FAM169A: variants seen among roughly 807,000 people sequenced by gnomAD.
The protein encoded by FAM169A is family with sequence similarity 169 member A.
FAM169A carries 24 observed loss-of-function variants against 75.7 expected under a neutral mutation model. That is an observed-to-expected ratio of 0.32 (90% CI 0.23 to 0.45). The LOEUF is 0.45. Ranked by LOEUF, FAM169A falls within the 20% of genes least tolerant of loss-of-function variation. FAM169A has a pLI of 1.00. For missense variants in FAM169A, 673 were observed against 784.0 expected, an observed-to-expected ratio of 0.86 and a Z score of 1.69; for synonymous variants, 271 against 271.0, an observed-to-expected ratio of 1.00 and a Z score of 0.00.
intron 10 of FAM169A, chr5:74,800,107 GACAA>G (rs1250832369): frequency 1.7e-6 from 1 of 599,462 alleles, no homozygotes; most frequent in Non-Finnish European, 3.1e-6. Flanking sequence ...CATCCAGCGT[GACAA>G]ACTATGGCTG....
intron 1 of FAM169A, among the ~76,000 whole-genome samples, chr5:74,859,693 T>C (rs925760698): frequency 2.0e-5 from 3 of 152,194 alleles, no homozygotes; most frequent in Middle Eastern, 3.2e-3. Flanking sequence ...CATCACGATT[T>C]TTTTTAAATA....
chr5:74,811,222 G>C (rs1047579997), intron 6 of FAM169A, among the ~76,000 whole-genome samples: 1 of 152,084 alleles, frequency 6.6e-6, no homozygotes, highest in Admixed American at 6.6e-5. Flanking sequence ...GGCCTCAAGT[G>C]ATCTGCCCTC....
chr5:74,793,176 C>T (rs551042758), intron 11 of FAM169A, among the ~76,000 whole-genome samples: 2 of 151,990 alleles, frequency 1.3e-5, no homozygotes, highest in South Asian at 4.2e-4. Context: ...AATACAAAAA[C>T]TAACTGGGTG....
In FAM169A at chr5:74,842,420, C is replaced by CAAAA. The variant is rs56653446; in HGVS notation, c.-3-745_-3-742dup. Among the ~76,000 whole-genome samples the CAAAA allele has an allele frequency of 5.3e-4, 12 of 22,476 alleles. 3 individuals carry two copies. The East Asian group carries it at 8.3e-3, about 16-fold the overall frequency. 14.7% of individuals were successfully genotyped at this position (22,476 alleles called of 152,430 possible). A position where few individuals can be genotyped will look rare whatever the true frequency, so the allele number is the denominator to read the frequency against. ...TGGGTGAAAGAGTGAGACTCTATCA[C>CAAAA]AAAAAAAAAAAAAAAAAAAAAAAAA... On this transcript the variant is annotated intron_variant, in intron 1 of 12. Transcript: ENST00000687041.
upstream of FAM169A, chr5:74,866,449 C>A: frequency 2.2e-6 from 2 of 889,112 alleles, no homozygotes; most frequent in East Asian, 1.2e-4. Context: ...CGAATCCCCC[C>A]GCCCGCCAGC....
chr5:74,849,391 G>A (rs16872332), intron 1 of FAM169A, among the ~76,000 whole-genome samples: 5 of 152,020 alleles, frequency 3.3e-5, no homozygotes, highest in African/African-American at 4.8e-5. Flanking sequence ...TGTTCAGCTC[G>A]TAAGTTATTT....
rs574084438 is a variant in FAM169A at position 74,861,853 on chromosome 5, T to A, written c.-4+4312A>T. On this transcript the variant is annotated intron_variant, in intron 1 of 12. Coordinates refer to ENST00000687041, the MANE Select transcript of FAM169A (RefSeq NM_001376049.1). ...TATTATCATTATGCACGTCAGCCAA[T>A]GAGCTTTATATACTACTTCTAGTCA... Among the ~76,000 whole-genome samples the A allele has an allele frequency of 3.9e-5, 6 of 152,344 alleles. No individual in the cohort carries two copies. In the South Asian group the frequency reaches 1.2e-3, roughly 32 times the overall value.
At chr5:74,838,106 C>T (rs538375920) in intron 4 of FAM169A, among the ~76,000 whole-genome samples, 2 of 138,962 alleles carry the variant, frequency 1.4e-5, no homozygotes, top group South Asian at 4.6e-4. Context: ...AAGAGCGAAA[C>T]TCCATCCCAA....
intron 1 of FAM169A, among the ~76,000 whole-genome samples, chr5:74,842,535 C>CTTTT (rs559380991): frequency 1.2e-5 from 1 of 84,632 alleles, no homozygotes; most frequent in Non-Finnish European, 2.4e-5. Context: ...TAGCTTTTTT[C>CTTTT]TTTTTTTTTT....
intron 4 of FAM169A, among the ~76,000 whole-genome samples, chr5:74,837,389 G>C (rs567288530): frequency 1.3e-5 from 2 of 152,096 alleles, no homozygotes; most frequent in South Asian, 4.1e-4. Context: ...CACATTCTCC[G>C]AGCCTTCAGC....
Position 74,805,254 on chromosome 5 carries a change from C to T in FAM169A, c.701G>A (p.Gly234Glu). Residue 234 changes from glycine to glutamate, a missense_variant, in exon 7 of 13, where the codon GGA becomes GAA. Coordinates refer to ENST00000687041, the MANE Select transcript of FAM169A (RefSeq NM_001376049.1). ...AACTTCCCAAAGGAGTTCATGGTCT[C>T]CTGGATACTTCTCAAAGTATTGCTT... ...ACKQYFEKYP[G>E]DHELLWEVEG... 1 of 1,613,606 alleles carries T rather than the reference C, an allele frequency of 6.2e-7. No individual in the cohort carries two copies. The highest frequency in any genetic ancestry group is 8.5e-7 in the Non-Finnish European group (1 of 1,179,650).
At chr5:74,783,194 A>T (rs754102976) in intron 11 of FAM169A, 60 bp from the exon 12 acceptor site, 3 of 1,262,668 alleles carry the variant, frequency 2.4e-6, no homozygotes, top group Non-Finnish European at 3.4e-6. Context: ...CTTATTTGTC[A>T]TGCATGACGG....
chr5:74,839,065 A>G lies in FAM169A; in HGVS notation c.233-15T>C. ...AAGTGCCACAGCTAAAATAGAATAA[A>G]TAATCATTAACACTTGAGTTTTAAA... is the stretch of plus-strand genomic sequence containing the variant. On this transcript the variant is annotated splice_polypyrimidine_tract_variant and intron_variant, in intron 3 of 12. Transcript: ENST00000687041. The G allele has an allele frequency of 6.3e-7, 1 of 1,586,572 alleles. No homozygotes were observed. Among genetic ancestry groups the G allele is most frequent in the Non-Finnish European group, 8.7e-7 (1 of 1,155,170 alleles).
intron 1 of FAM169A, among the ~76,000 whole-genome samples, chr5:74,844,791 T>G (rs1749067129): frequency 6.6e-6 from 1 of 152,192 alleles, no homozygotes; most frequent in South Asian, 2.1e-4. Context: ...CACTCCAGCC[T>G]GGGTGACAGA....
chr5:74,805,503 A>G (rs1746821000), intron 6 of FAM169A, among the ~76,000 whole-genome samples: 1 of 148,562 alleles, frequency 6.7e-6, no homozygotes, highest in African/African-American at 2.5e-5. Context: ...AACAATAAAA[A>G]TCCTTTAAAA....
chr5:74,843,151 G>T (rs1433604572), intron 1 of FAM169A, among the ~76,000 whole-genome samples: 1 of 151,942 alleles, frequency 6.6e-6, no homozygotes, highest in Non-Finnish European at 1.5e-5. Flanking sequence ...ATCAAAATAG[G>T]CTTAAATTCA....
intron 1 of FAM169A, among the ~76,000 whole-genome samples, chr5:74,849,995 T>G (rs1054202457): frequency 2.6e-5 from 4 of 152,206 alleles, no homozygotes; most frequent in Non-Finnish European, 5.9e-5. Flanking sequence ...GGGATTCATA[T>G]CTGTTGGCTC....
chr5:74,780,136 A>G lies in FAM169A; in HGVS notation c.*1324T>C, dbSNP rs1745339410. ...ACAGTTCAGTGTTTTTTTTCTTCAA[A>G]TTTTCCTAGGCCTTTGTTATGGCAA... On this transcript the variant is annotated 3_prime_UTR_variant, in exon 13 of 13. Transcript: ENST00000687041. 6.6e-6 allele frequency: 1 copy of G among 152,040 alleles called. No homozygotes were observed. Among genetic ancestry groups the G allele is most frequent in the Admixed American group, 6.6e-5 (1 of 15,240 alleles). 9.4% of individuals were successfully genotyped at this position (152,040 alleles called of 1,614,324 possible). A position where few individuals can be genotyped will look rare whatever the true frequency, so the allele number is the denominator to read the frequency against.
At chr5:74,836,455 G>A (rs936396423) in intron 4 of FAM169A, among the ~76,000 whole-genome samples, 1 of 152,162 alleles carries the variant, frequency 6.6e-6, no homozygotes, top group Non-Finnish European at 1.5e-5. Context: ...GCATACTACT[G>A]AGGACCTCCC....
Sources: gnomAD v4.1 joint callset for allele counts (sites outside exome capture counted in the v4.1 genomes callset) on GRCh38, gnomAD v4.1.1 for gene constraint, MANE v1.5 for transcripts, NCBI Gene and HGNC (gene_info 2026-07-23, HGNC 2026-07-21) for gene names.